DIAPH3: variants seen among roughly 807,000 people sequenced by gnomAD.
DIAPH3 encodes the protein protein diaphanous homolog 3.
A neutral mutation model predicts 144.3 loss-of-function variants in DIAPH3; 117 were observed. The ratio of observed to expected loss-of-function variants is 0.81; its 90% CI spans 0.70 to 0.95. The LOEUF (loss-of-function observed/expected upper bound fraction) is 0.95, where lower values mean the gene tolerates loss of function less well. Ranked by LOEUF, DIAPH3 falls within the 40% of genes least tolerant of loss-of-function variation. The probability of loss-of-function intolerance (pLI) is 0.00; values close to 1 mark genes in which losing one functional copy is unlikely to be tolerated. For missense variants in DIAPH3, 1,421 were observed against 1,412.7 expected, an observed-to-expected ratio of 1.01 and a Z score of -0.09; for synonymous variants, 519 against 488.9, an observed-to-expected ratio of 1.06 and a Z score of -0.81.
At chr13:60,110,010 G>C (rs1719729579) in intron 3 of DIAPH3, among the ~76,000 whole-genome samples, 1 of 152,130 alleles carries the variant, frequency 6.6e-6, no homozygotes, top group African/African-American at 2.4e-5. Context: ...ACAGAAACTA[G>C]ACTATTACCC....
intron 22 of DIAPH3, among the ~76,000 whole-genome samples, chr13:59,860,696 C>G (rs990933396): frequency 6.6e-6 from 1 of 151,734 alleles, no homozygotes; most frequent in African/African-American, 2.4e-5. Flanking sequence ...CAAGATCACG[C>G]CACTGCACTC....
intron 20 of DIAPH3, among the ~76,000 whole-genome samples, chr13:59,905,498 T>G (rs2046689134): frequency 6.6e-6 from 1 of 152,168 alleles, no homozygotes; most frequent in Admixed American, 6.5e-5. Context: ...CACTCTCAAT[T>G]TATTTAATCC....
chr13:59,956,503 C>T (rs1461609417), intron 17 of DIAPH3, among the ~76,000 whole-genome samples: 1 of 152,218 alleles, frequency 6.6e-6, no homozygotes, highest in Non-Finnish European at 1.5e-5. Flanking sequence ...GGAACCTCCA[C>T]CTAGATTTCA....
intron 1 of DIAPH3, among the ~76,000 whole-genome samples, chr13:60,140,197 A>G (rs1469819331): frequency 6.6e-6 from 1 of 152,206 alleles, no homozygotes; most frequent in Non-Finnish European, 1.5e-5. Flanking sequence ...CCATTCTTTC[A>G]CATATATTTG....
chr13:60,155,685 C>T (rs1209016178), intron 1 of DIAPH3, among the ~76,000 whole-genome samples: 1 of 152,154 alleles, frequency 6.6e-6, no homozygotes, highest in East Asian at 1.9e-4. Context: ...CAGTTTAACC[C>T]TAGGACAACT....
intron 20 of DIAPH3, among the ~76,000 whole-genome samples, chr13:59,902,877 T>C (rs1467875402): frequency 6.6e-6 from 1 of 152,238 alleles, no homozygotes; most frequent in Non-Finnish European, 1.5e-5. Context: ...AATATAGTTA[T>C]GAAATAATAG....
chr13:60,083,999 T>C (rs1278724686), intron 4 of DIAPH3, among the ~76,000 whole-genome samples: 1 of 119,674 alleles, frequency 8.4e-6, no homozygotes, highest in East Asian at 2.3e-4. Context: ...GAGTGATAGA[T>C]AGATAGACAG....
chr13:59,936,710 A>G (rs948744517), intron 17 of DIAPH3, among the ~76,000 whole-genome samples: 9 of 152,192 alleles, frequency 5.9e-5, no homozygotes, highest in South Asian at 2.1e-4. Flanking sequence ...AACATCATCT[A>G]TCTTGGCTCA....
At chr13:60,027,919 C>A (rs2054494183) in intron 5 of DIAPH3, among the ~76,000 whole-genome samples, 2 of 152,088 alleles carry the variant, frequency 1.3e-5, no homozygotes, top group Admixed American at 6.5e-5. Flanking sequence ...TTGTCCCCAC[C>A]CTAAATACTT....
Position 59,839,383 on chromosome 13 carries a change from C to A in DIAPH3, c.2803G>T (p.Glu935Ter), listed in dbSNP as rs753942693. 1 of 1,613,772 alleles carries A rather than the reference C, an allele frequency of 6.2e-7. No individual in the cohort carries two copies. Among genetic ancestry groups the A allele is most frequent in the Non-Finnish European group, 8.5e-7 (1 of 1,179,828 alleles). The change falls in exon 23 of 28, where the codon GAA (glutamate) becomes TAA (stop). Residue 935 changes from glutamate (E) to a stop codon, truncating the protein, a stop_gained. Transcript: ENST00000400324. LOFTEE classifies it high-confidence loss of function. ...TCAGGAGGGGGAAAGGTTTCCAATT[C>A]CTTCTCAAGCTGTTGAAGCTGCCTT... ...MGRQLQQLEKELETFPPPEDL... is the reference protein window; with the variant it reads ...MGRQLQQLEK
At chr13:59,752,444 T>G (rs1425040148) in intron 27 of DIAPH3, among the ~76,000 whole-genome samples, 1 of 151,694 alleles carries the variant, frequency 6.6e-6, no homozygotes, top group African/African-American at 2.4e-5. Flanking sequence ...CATGGCTCAC[T>G]GCAATCTCGA....
At chr13:59,752,331 A>G (rs1376183911) in intron 27 of DIAPH3, among the ~76,000 whole-genome samples, 1 of 151,598 alleles carries the variant, frequency 6.6e-6, no homozygotes, top group Non-Finnish European at 1.5e-5. Context: ...CAGCTACATT[A>G]TTAGTATTGT....
intron 27 of DIAPH3, among the ~76,000 whole-genome samples, chr13:59,741,770 T>A (rs1460513084): frequency 3.5e-5 from 5 of 143,262 alleles, no homozygotes; most frequent in Non-Finnish European, 7.6e-5. Context: ...TAATGAGATA[T>A]TCCACTCTAT....
chr13:59,956,215 G>A (rs1047999353), intron 17 of DIAPH3, among the ~76,000 whole-genome samples: 1 of 152,202 alleles, frequency 6.6e-6, no homozygotes, highest in African/African-American at 2.4e-5. Flanking sequence ...TAATCACCAA[G>A]CCAATGGGGA....
At chr13:60,137,742 CTTT>C (rs35703399) in intron 1 of DIAPH3, among the ~76,000 whole-genome samples, 4 of 125,700 alleles carry the variant, frequency 3.2e-5, no homozygotes, top group African/African-American at 3.0e-5. Context: ...TTAAAATTGA[CTTT>C]TTTTTTTTTT....
chr13:60,124,116 C>T (rs959477499), intron 2 of DIAPH3, among the ~76,000 whole-genome samples: 3 of 152,100 alleles, frequency 2.0e-5, no homozygotes, highest in Non-Finnish European at 2.9e-5. Flanking sequence ...GAAATCACAT[C>T]GGAATGTACT....
chr13:59,955,528 A>G (rs1026392442), intron 17 of DIAPH3, among the ~76,000 whole-genome samples: 8 of 152,178 alleles, frequency 5.3e-5, no homozygotes, highest in African/African-American at 1.9e-4. Context: ...TATCTTTATT[A>G]GCAGCATGAG....
chr13:59,670,429 G>C (rs149818624), intron 27 of DIAPH3, among the ~76,000 whole-genome samples: 2,088 of 152,078 alleles, frequency 0.014, 30 homozygotes, highest in Middle Eastern at 0.017. Flanking sequence ...CTTCTTTTTG[G>C]TTTGTCTCCA....
intron 12 of DIAPH3, among the ~76,000 whole-genome samples, chr13:59,985,468 G>C (rs1350486820): frequency 1.5e-5 from 1 of 66,162 alleles, no homozygotes; most frequent in South Asian, 5.7e-4. Flanking sequence ...GGAAGTTCTG[G>C]CCAGGGCAAT....
Sources: allele counts gnomAD v4.1 joint callset (sites outside exome capture counted in the v4.1 genomes callset), GRCh38; gene constraint gnomAD v4.1.1; transcripts MANE v1.5; gene names NCBI Gene and HGNC (gene_info 2026-07-23, HGNC 2026-07-21).